Variants in BAIAP3 observed in about 807,000 individuals in gnomAD.
BAIAP3 encodes the protein BAI1 associated protein 3, also known as BAI1-associated protein 3.
A neutral mutation model predicts 149.7 loss-of-function variants in BAIAP3; 180 were observed. The ratio of observed to expected loss-of-function variants is 1.20; its 90% CI spans 1.07 to 1.36. BAIAP3 has a LOEUF of 1.36. Among genes scored for constraint, BAIAP3 ranks in the 40% most tolerant of loss-of-function variants. BAIAP3 has a pLI of 0.00. For synonymous variants in BAIAP3, 845 were observed against 670.7 expected, an observed-to-expected ratio of 1.26 and a Z score of -4.02; for missense variants, 1,767 against 1,563.4, an observed-to-expected ratio of 1.13 and a Z score of -2.20.
chr16:1,347,799 C>A lies in BAIAP3; in HGVS notation c.3003C>A (p.Asp1001Glu), dbSNP rs2034482175. 3.7e-6 allele frequency: 6 copies of A among 1,606,466 alleles called. No individual in the cohort carries two copies. The highest frequency in any genetic ancestry group is 1.7e-4 in the Middle Eastern group (1 of 6,036). The change falls in exon 31 of 34, where the codon GAC (aspartate) becomes GAA (glutamate). Residue 1001 changes from aspartate to glutamate, a missense_variant. Physicochemically the swap from Asp to Glu is conservative, Grantham distance 45. Coordinates refer to ENST00000426824, the MANE Select transcript of BAIAP3 (RefSeq NM_001199097.2). ...CCGTGGAGGTGCTGCACGCCGCGGA[C>A]CTGCTCCCCCTGGACGCCAACGGTG... is the stretch of plus-strand genomic sequence containing the variant. ...RLAVEVLHAA[D>E]LLPLDANGLS... is the part of the protein sequence containing the mutation.
intron 22 of BAIAP3, 140 bp downstream of exon 22, chr16:1,345,512 G>A: frequency 1.1e-6 from 1 of 884,142 alleles, no homozygotes; most frequent in Non-Finnish European, 1.5e-6. Flanking sequence ...AGCCTCCCCG[G>A]CCTCCTCCGC....
At position 1,343,328 on chromosome 16, in the gene BAIAP3, G is replaced by A. The variant is rs948637448; in HGVS notation, c.1266-65G>A. ...GGCAGAGAAAGGGGTAGTGCTGTAG[G>A]CGGTGCTGAGTGGGCATGGCAGGGG... On this transcript the variant is annotated intron_variant, in intron 14 of 33. Coordinates refer to ENST00000426824, the MANE Select transcript of BAIAP3 (RefSeq NM_001199097.2). The A allele has an allele frequency of 3.2e-6, 5 of 1,547,882 alleles. No homozygotes were observed. The African/African-American group carries it at 4.1e-5, about 13-fold the overall frequency.
rs1034554966 is a variant in BAIAP3, at chr16:1,349,188, T to C, written c.*706T>C. The C allele has an allele frequency of 5.9e-5, 32 of 542,028 alleles. No homozygotes were observed. Among genetic ancestry groups the C allele is most frequent in the Non-Finnish European group, 8.3e-5 (25 of 301,878 alleles). 33.6% of individuals were successfully genotyped at this position (542,028 alleles called of 1,614,324 possible). A position where few individuals can be genotyped will look rare whatever the true frequency, so the allele number is the denominator to read the frequency against. On this transcript the variant is annotated 3_prime_UTR_variant, in exon 34 of 34. Transcript: ENST00000426824. Reference sequence around the variant, plus strand: ...CGACCCTTCCAGGCAGAGCCGAGAGTTCGCCCCAACCCTTCCCCAGGCCCA... The same window carrying C: ...CGACCCTTCCAGGCAGAGCCGAGAGCTCGCCCCAACCCTTCCCCAGGCCCA...
chr16:1,342,054 G>A lies in BAIAP3; in HGVS notation c.845G>A (p.Gly282Asp), dbSNP rs780935087. The A allele has an allele frequency of 1.4e-5, 22 of 1,605,482 alleles. No homozygotes were observed. In the South Asian group the frequency reaches 2.0e-4, roughly 15 times the overall value. ...CTGAATGAAGTCATCGGCCTGAAGG[G>A]CATGGGCAGGTATGACTGCTGGGAC... ...RKLNEVIGLK[G>D]MGRYFKQIVK... is the part of the protein sequence containing the mutation. The change falls in exon 10 of 34, where the codon GGC (glycine) becomes GAC (aspartate). Residue 282 changes from glycine to aspartate, a missense_variant. Transcript: ENST00000426824.
chr16:1,349,160 C>A lies in BAIAP3; in HGVS notation c.*678C>A. On this transcript the variant is annotated 3_prime_UTR_variant, in exon 34 of 34. Transcript: ENST00000426824. The stretch of plus-strand genomic sequence containing the variant: ...TATCCGTGGCCACCTGAGACCTGCT[C>A]CACGACCCTTCCAGGCAGAGCCGAG... 2.0e-6 allele frequency: 1 copy of A among 497,828 alleles called. No individual in the cohort carries two copies. Among genetic ancestry groups the A allele is most frequent in the Non-Finnish European group, 3.7e-6 (1 of 273,792 alleles). The allele number at this position is 497,828 out of a possible 1,614,324, so 30.8% of individuals were successfully genotyped here.
Position 1,348,090 on chromosome 16 carries a change from C to T in BAIAP3, c.3150-6C>T, listed in dbSNP as rs2034512795. 2 of 1,601,976 alleles carry T rather than the reference C, an allele frequency of 1.2e-6. No homozygotes were observed. Among genetic ancestry groups the T allele is most frequent in the Non-Finnish European group, 8.5e-7 (1 of 1,179,214 alleles). ...AGCGAGACTCCCGACTGGCCTCTGT[C>T]CGCAGTTCCGTGCCTGCCGAGGCGT... On this transcript the variant is annotated splice_polypyrimidine_tract_variant and splice_region_variant and intron_variant, in intron 32 of 33. Transcript: ENST00000426824.
intron 1 of BAIAP3, chr16:1,334,686 G>T (rs1415929709): frequency 6.4e-7 from 1 of 1,554,216 alleles, no homozygotes; most frequent in Non-Finnish European, 8.7e-7. Flanking sequence ...AGCAGCGTTT[G>T]CAGCGGGCCC....
intron 28 of BAIAP3, 144 bp from the exon 29 acceptor site, chr16:1,347,154 G>C (rs547807277): frequency 1.0e-6 from 1 of 968,438 alleles, no homozygotes; most frequent in Non-Finnish European, 1.5e-6. Context: ...GGGAGCTTCC[G>C]ATGCCCGCCA....
intron 19 of BAIAP3, 25 bp from the exon 20 acceptor site, chr16:1,344,773 A>C: frequency 6.2e-7 from 1 of 1,613,620 alleles, no homozygotes; most frequent in Non-Finnish European, 8.5e-7. Context: ...GCGCAGGTGG[A>C]TGAGGTGTGT....
In BAIAP3 at chr16:1,348,279, C is replaced by T. The variant is rs1445012008; in HGVS notation, c.3333C>T (p.His1111=). The change falls in exon 33 of 34, where the codon CAC becomes CAT. Residue 1111 remains histidine (H), a synonymous_variant. Transcript: ENST00000426824. The part of the protein sequence containing the change: ...GARAGQPVTL[H]LCRPRAQVRS... Reference sequence around the variant, plus strand: ...GGGCTGGGCAGCCTGTCACCCTGCACCTGTGCCGGCCCAGAGCCCAGGGTG... The same window carrying T: ...GGGCTGGGCAGCCTGTCACCCTGCATCTGTGCCGGCCCAGAGCCCAGGGTG... The T allele has an allele frequency of 6.2e-7, 1 of 1,600,318 alleles. No individual in the cohort carries two copies. The highest frequency in any genetic ancestry group is 8.5e-7 in the Non-Finnish European group (1 of 1,174,548).
Position 1,349,343 on chromosome 16 carries a change from C to T in BAIAP3, c.*861C>T. The T allele has an allele frequency of 7.0e-7, 1 of 1,421,374 alleles. No homozygotes were observed. Among genetic ancestry groups the T allele is most frequent in the Admixed American group, 1.7e-5 (1 of 59,596 alleles). The allele number at this position is 1,421,374 out of a possible 1,614,324, so 88.0% of individuals were successfully genotyped here. A position where few individuals can be genotyped will look rare whatever the true frequency, so the allele number is the denominator to read the frequency against. On this transcript the variant is annotated 3_prime_UTR_variant, in exon 34 of 34. Coordinates refer to ENST00000426824, the MANE Select transcript of BAIAP3 (RefSeq NM_001199097.2). ...CCGGACAGCTCAGTCCTGCCAGCAGCCGCAAAGAGCCGAGGCTGCCAGGCC... is the reference window on the plus strand; with the variant it reads ...CCGGACAGCTCAGTCCTGCCAGCAGTCGCAAAGAGCCGAGGCTGCCAGGCC...
intron 1 of BAIAP3, chr16:1,334,680 G>T: frequency 6.4e-7 from 1 of 1,553,394 alleles, no homozygotes; most frequent in Non-Finnish European, 8.7e-7. Context: ...CCGGGGAGCA[G>T]CGTTTGCAGC....
chr16:1,343,211 G>T (rs1321101399), intron 14 of BAIAP3, 182 bp from the exon 15 acceptor site: 17 of 1,127,140 alleles, frequency 1.5e-5, no homozygotes, highest in Non-Finnish European at 2.1e-5. Context: ...GGCAGCGAAA[G>T]GGGCGGTGCC....
In BAIAP3 at chr16:1,343,381, C is replaced by T. The variant is rs1335770248; in HGVS notation, c.1266-12C>T. On this transcript the variant is annotated splice_polypyrimidine_tract_variant and intron_variant, in intron 14 of 33. Coordinates refer to ENST00000426824, the MANE Select transcript of BAIAP3 (RefSeq NM_001199097.2). ...GGGTTCATACCCTTTGACCATGGGCCGGGCCCCACAGGCACTGGCAGGTCA... is the reference window on the plus strand; with the variant it reads ...GGGTTCATACCCTTTGACCATGGGCTGGGCCCCACAGGCACTGGCAGGTCA... 7 of 1,578,310 alleles carry T rather than the reference C, an allele frequency of 4.4e-6. No homozygotes were observed. The highest frequency in any genetic ancestry group is 5.2e-6 in the Non-Finnish European group (6 of 1,162,954).
intron 1 of BAIAP3, chr16:1,334,784 A>C: frequency 6.5e-7 from 1 of 1,537,102 alleles, no homozygotes; most frequent in Non-Finnish European, 8.8e-7. Context: ...TTCCTGCGGG[A>C]AACCCCCAGG....
intron 3 of BAIAP3, 63 bp downstream of exon 3, chr16:1,339,052 C>G: frequency 8.7e-6 from 14 of 1,605,722 alleles, no homozygotes; most frequent in Non-Finnish European, 1.2e-5. Context: ...CTTTGCTCCT[C>G]CCCGCTCCCT....
intron 2 of BAIAP3, 26 bp from the exon 3 acceptor site, chr16:1,338,876 G>A (rs2033655775): frequency 6.2e-7 from 1 of 1,612,354 alleles, no homozygotes; most frequent in African/African-American, 1.3e-5. Context: ...GCTGAGAGCT[G>A]TGAGCTGACC....
chr16:1,343,057 G>C (rs1242107430), intron 14 of BAIAP3, 41 bp downstream of exon 14: 1 of 1,573,376 alleles, frequency 6.4e-7, no homozygotes, highest in African/African-American at 1.3e-5. Context: ...AATGTGGGCG[G>C]GCGTGAGCGA....
At chr16:1,338,766 C>A in intron 2 of BAIAP3, 86 bp downstream of exon 2, 1 of 1,571,910 alleles carries the variant, frequency 6.4e-7, no homozygotes, top group South Asian at 1.2e-5. Flanking sequence ...CCCAGCACCC[C>A]TGGGCGGGAA....
Sources: allele counts gnomAD v4.1 joint callset, GRCh38; gene constraint gnomAD v4.1.1; transcripts MANE v1.5; gene names NCBI Gene and HGNC (gene_info 2026-07-23, HGNC 2026-07-21).